PRR16: variants seen among roughly 807,000 people sequenced by gnomAD.
PRR16 encodes the protein proline rich 16.
Under a neutral mutation model 18.2 loss-of-function variants are expected in PRR16, and 6 were observed. The ratio of observed to expected loss-of-function variants is 0.33; its 90% CI spans 0.18 to 0.65. The LOEUF (loss-of-function observed/expected upper bound fraction) is 0.65, where lower values mean the gene tolerates loss of function less well. PRR16 is among the 30% of genes least tolerant of loss of function. The probability of loss-of-function intolerance (pLI) is 0.74; values close to 1 mark genes in which losing one functional copy is unlikely to be tolerated. For synonymous variants in PRR16, 151 were observed against 147.8 expected (o/e 1.02, Z -0.16); for missense variants, 412 against 376.6 (o/e 1.09, Z -0.78).
chr5:120,684,584 G>A (rs6595253), intron 1 of PRR16, among the ~76,000 whole-genome samples: 143,667 of 152,268 alleles, frequency 0.94, 68,212 homozygotes, highest in East Asian at 1. Flanking sequence ...ATTCTCATAT[G>A]TGTATAACAG....
chr5:120,714,980 G>T, the PRR16 span, among the ~76,000 whole-genome samples: 1 of 152,152 alleles, frequency 6.6e-6, no homozygotes, highest in Middle Eastern at 3.4e-3. Flanking sequence ...ACACACCAGG[G>T]CCTGTTGGTG....
downstream of PRR16, among the ~76,000 whole-genome samples, chr5:120,691,745 T>C (rs1028578061): frequency 6.6e-6 from 1 of 152,206 alleles, no homozygotes; most frequent in Non-Finnish European, 1.5e-5. Flanking sequence ...TAATTGTCAA[T>C]TATCCTAACC....
intron 1 of PRR16, among the ~76,000 whole-genome samples, chr5:120,492,246 G>A (rs1012705117): frequency 4.3e-5 from 5 of 116,742 alleles, no homozygotes; most frequent in Admixed American, 2.0e-4. Context: ...CCCCATGCCC[G>A]CTAATTTGAG....
chr5:120,789,080 A>G, the PRR16 span, among the ~76,000 whole-genome samples: 1 of 152,210 alleles, frequency 6.6e-6, no homozygotes, highest in South Asian at 2.1e-4. Flanking sequence ...GGGTTAAAAC[A>G]GGGGGTTCTC....
intron 1 of PRR16, chr5:120,616,969 C>A (rs1429980101): frequency 3.2e-5 from 7 of 217,134 alleles, no homozygotes; most frequent in Non-Finnish European, 5.5e-5. Context: ...ATCAGTATAT[C>A]CTATTCCTTC....
chr5:120,778,534 G>A, the PRR16 span, among the ~76,000 whole-genome samples: 33 of 152,274 alleles, frequency 2.2e-4, no homozygotes, highest in African/African-American at 7.2e-4. Context: ...TAGAGACGCC[G>A]TCTTGAATAG....
chr5:120,498,171 T>C (rs1412120202), intron 1 of PRR16, among the ~76,000 whole-genome samples: 1 of 151,322 alleles, frequency 6.6e-6, no homozygotes, highest in Non-Finnish European at 1.5e-5. Context: ...TTTTACTTAT[T>C]ATTTAGAGAT....
chr5:120,737,505 C>T, the PRR16 span, among the ~76,000 whole-genome samples: 1 of 151,524 alleles, frequency 6.6e-6, no homozygotes, highest in African/African-American at 2.4e-5. Context: ...GTGTATAATC[C>T]TTTTAATGTG....
chr5:120,669,939 A>T (rs1054144012), intron 1 of PRR16, among the ~76,000 whole-genome samples: 36 of 152,130 alleles, frequency 2.4e-4, no homozygotes, highest in Non-Finnish European at 4.4e-5. Context: ...AACGGCGTTT[A>T]TATGACTACC....
At chr5:120,716,267 T>A in the PRR16 span, among the ~76,000 whole-genome samples, 8 of 152,308 alleles carry the variant, frequency 5.3e-5, no homozygotes, top group African/African-American at 1.9e-4. Context: ...CCTATGTGAC[T>A]GATTTTCTCA....
the PRR16 span, among the ~76,000 whole-genome samples, chr5:120,707,809 A>G: frequency 6.6e-6 from 1 of 152,234 alleles, no homozygotes; most frequent in East Asian, 1.9e-4. Flanking sequence ...TAAAACCTTA[A>G]GGGAAACACA....
chr5:120,557,639 C>T (rs1752457162), intron 1 of PRR16, among the ~76,000 whole-genome samples: 1 of 151,788 alleles, frequency 6.6e-6, no homozygotes, highest in African/African-American at 2.4e-5. Flanking sequence ...CTTTCTCATG[C>T]AAAACAAAGG....
chr5:120,701,675 G>C, the PRR16 span, among the ~76,000 whole-genome samples: 1 of 152,054 alleles, frequency 6.6e-6, no homozygotes, highest in Non-Finnish European at 1.5e-5. Flanking sequence ...AGGTCAGATG[G>C]GTCTGTAGAA....
intron 1 of PRR16, among the ~76,000 whole-genome samples, chr5:120,511,379 A>G (rs1750820345): frequency 6.6e-6 from 1 of 152,102 alleles, no homozygotes; most frequent in African/African-American, 2.4e-5. Flanking sequence ...CCAAACTTTC[A>G]TTGCTGACTC....
At chr5:120,672,718 C>G (rs1756653723) in intron 1 of PRR16, among the ~76,000 whole-genome samples, 1 of 152,006 alleles carries the variant, frequency 6.6e-6, no homozygotes, top group Admixed American at 6.6e-5. Flanking sequence ...AGTTTAACAT[C>G]TATAGGGGAA....
chr5:120,760,856 C>G, the PRR16 span, among the ~76,000 whole-genome samples: 3 of 152,016 alleles, frequency 2.0e-5, no homozygotes, highest in African/African-American at 7.2e-5. Context: ...CAATGAAAAC[C>G]TGATGGATAG....
At chr5:120,656,140 T>C (rs1319637851) in intron 1 of PRR16, among the ~76,000 whole-genome samples, 2 of 151,810 alleles carry the variant, frequency 1.3e-5, no homozygotes, top group South Asian at 4.1e-4. Context: ...TCACCACCTT[T>C]TCACCAATGA....
the PRR16 span, among the ~76,000 whole-genome samples, chr5:120,762,736 C>G: frequency 8.1e-6 from 1 of 123,854 alleles, no homozygotes; most frequent in Non-Finnish European, 1.8e-5. Flanking sequence ...AACAGGTTGT[C>G]TCTTTGTTGA....
intron 1 of PRR16, among the ~76,000 whole-genome samples, chr5:120,635,498 A>G (rs1005693257): frequency 6.6e-6 from 1 of 152,198 alleles, no homozygotes; most frequent in African/African-American, 2.4e-5. Flanking sequence ...CACCACATAA[A>G]CAGAATTAAA....
Sources: allele counts gnomAD v4.1 joint callset (sites outside exome capture counted in the v4.1 genomes callset), GRCh38; gene constraint gnomAD v4.1.1; transcripts MANE v1.5; gene names NCBI Gene and HGNC (gene_info 2026-07-23, HGNC 2026-07-21).